Variants in EYS observed in about 807,000 individuals in gnomAD.
EYS encodes the protein protein eyes shut homolog.
Under a neutral mutation model 282.1 loss-of-function variants are expected in EYS, and 250 were observed. The observed-to-expected ratio is 0.89, with a 90% CI of 0.80 to 0.98. The LOEUF (loss-of-function observed/expected upper bound fraction) is 0.98, where lower values mean the gene tolerates loss of function less well. Ranked by LOEUF, EYS falls within the 50% of genes least tolerant of loss-of-function variation. The pLI is 0.00. For missense variants in EYS, 4,016 were observed against 3,709.0 expected, an observed-to-expected ratio of 1.08 and a Z score of -2.15; for synonymous variants, 1,355 against 1,282.9, an observed-to-expected ratio of 1.06 and a Z score of -1.20.
chr6:64,421,958 A>C (rs558747499), intron 28 of EYS, among the ~76,000 whole-genome samples: 1 of 151,634 alleles, frequency 6.6e-6, no homozygotes, highest in Non-Finnish European at 1.5e-5. Flanking sequence ...CTCCCCATCA[A>C]GAAACATTTC....
intron 1 of EYS, among the ~76,000 whole-genome samples, chr6:65,647,824 G>A (rs1253529736): frequency 6.6e-6 from 1 of 151,720 alleles, no homozygotes; most frequent in Non-Finnish European, 1.5e-5. Context: ...AAATCAGTGA[G>A]AAACAAACAA....
At chr6:64,924,666 G>C (rs934114129) in intron 15 of EYS, among the ~76,000 whole-genome samples, 5 of 152,114 alleles carry the variant, frequency 3.3e-5, no homozygotes, top group Non-Finnish European at 2.9e-5. Flanking sequence ...TCTACTGTCA[G>C]ATACCCTAAA....
chr6:63,765,550 C>T (rs1769766254), intron 40 of EYS, among the ~76,000 whole-genome samples: 1 of 151,434 alleles, frequency 6.6e-6, no homozygotes, highest in Non-Finnish European at 1.5e-5. Flanking sequence ...TTCTGGGGTA[C>T]ATGACATGTT....
chr6:64,614,930 G>A (rs1767223957), intron 24 of EYS, among the ~76,000 whole-genome samples: 1 of 152,088 alleles, frequency 6.6e-6, no homozygotes, highest in Non-Finnish European at 1.5e-5. Flanking sequence ...TGTGCTCTTA[G>A]GAATACTGCA....
intron 24 of EYS, among the ~76,000 whole-genome samples, chr6:64,594,436 C>T (rs373690425): frequency 2.0e-5 from 3 of 151,974 alleles, no homozygotes; most frequent in African/African-American, 7.3e-5. Flanking sequence ...TTCTAGTTCG[C>T]AACCCAAATG....
At chr6:64,911,870 T>C (rs540561750) in intron 16 of EYS, among the ~76,000 whole-genome samples, 1 of 152,208 alleles carries the variant, frequency 6.6e-6, no homozygotes, top group African/African-American at 2.4e-5. Context: ...ATCAAGAAAG[T>C]TTAATGATAT....
At chr6:64,054,050 G>A (rs982035806) in intron 33 of EYS, among the ~76,000 whole-genome samples, 2 of 151,968 alleles carry the variant, frequency 1.3e-5, no homozygotes. Flanking sequence ...TGTTTATATT[G>A]TGTTGATTTA....
intron 12 of EYS, among the ~76,000 whole-genome samples, chr6:65,138,385 T>A (rs184933369): frequency 8.5e-5 from 13 of 152,190 alleles, no homozygotes; most frequent in African/African-American, 2.2e-4. Context: ...TGTAATCTAC[T>A]ACCAGCGATA....
intron 30 of EYS, among the ~76,000 whole-genome samples, chr6:64,281,980 G>T (rs2150361932): frequency 6.6e-6 from 1 of 152,190 alleles, no homozygotes; most frequent in East Asian, 1.9e-4. Context: ...CTTACTGACT[G>T]CATAAAGGGC....
At chr6:65,057,522 T>G in intron 13 of EYS, 92 bp downstream of exon 13, 1 of 794,328 alleles carries the variant, frequency 1.3e-6, no homozygotes, top group Non-Finnish European at 2.2e-6. Flanking sequence ...CTAATAATGT[T>G]GTTGGAAGAC....
intron 13 of EYS, among the ~76,000 whole-genome samples, chr6:65,029,711 G>A (rs1772536831): frequency 6.6e-6 from 1 of 152,158 alleles, no homozygotes; most frequent in South Asian, 2.1e-4. Context: ...ACTAAATGCA[G>A]ATAGGAAGAG....
intron 22 of EYS, among the ~76,000 whole-genome samples, chr6:64,711,807 T>G (rs1298653404): frequency 6.6e-6 from 1 of 152,162 alleles, no homozygotes; most frequent in Non-Finnish European, 1.5e-5. Flanking sequence ...TTCCCCGAAG[T>G]CAGGCCATCT....
At chr6:64,892,946 A>G (rs1304149320) in intron 18 of EYS, among the ~76,000 whole-genome samples, 2 of 152,088 alleles carry the variant, frequency 1.3e-5, no homozygotes, top group Admixed American at 6.6e-5. Flanking sequence ...GAATGGTCAC[A>G]ATATGCTTGT....
chr6:65,468,357 T>C (rs1669303560), intron 5 of EYS, among the ~76,000 whole-genome samples: 1 of 152,214 alleles, frequency 6.6e-6, no homozygotes, highest in Non-Finnish European at 1.5e-5. Context: ...AGGACTTTGC[T>C]ATTATTCCCA....
intron 1 of EYS, among the ~76,000 whole-genome samples, chr6:65,651,106 T>C (rs1346232701): frequency 2.0e-5 from 3 of 152,062 alleles, no homozygotes; most frequent in South Asian, 4.1e-4. Flanking sequence ...TTAAATTATA[T>C]AGTGGCAAAA....
At chr6:65,430,354 T>A (rs1020305973) in intron 5 of EYS, among the ~76,000 whole-genome samples, 1 of 152,096 alleles carries the variant, frequency 6.6e-6, no homozygotes, top group Non-Finnish European at 1.5e-5. Flanking sequence ...TAAACAACCC[T>A]AGCCAGAGGT....
intron 9 of EYS, among the ~76,000 whole-genome samples, chr6:65,346,688 A>G (rs1342946937): frequency 6.6e-6 from 1 of 151,862 alleles, no homozygotes; most frequent in Non-Finnish European, 1.5e-5. Flanking sequence ...GGGAAAAAAT[A>G]CAGAAACTAC....
chr6:64,205,390 A>G (rs1765582518), intron 31 of EYS, among the ~76,000 whole-genome samples: 2 of 152,076 alleles, frequency 1.3e-5, no homozygotes, highest in African/African-American at 4.8e-5. Flanking sequence ...ATTTCTTGGT[A>G]TAGTTGATTC....
intron 36 of EYS, among the ~76,000 whole-genome samples, chr6:63,818,538 T>G (rs1233602929): frequency 6.6e-6 from 1 of 152,180 alleles, no homozygotes; most frequent in Non-Finnish European, 1.5e-5. Flanking sequence ...CCCTGAGGCC[T>G]ATCTTGTCCT....
Sources: gnomAD v4.1 joint callset for allele counts (sites outside exome capture counted in the v4.1 genomes callset) on GRCh38, gnomAD v4.1.1 for gene constraint, MANE v1.5 for transcripts, NCBI Gene and HGNC (gene_info 2026-07-23, HGNC 2026-07-21) for gene names.